Variants in PPM1D observed in about 807,000 individuals in gnomAD.
PPM1D encodes the protein protein phosphatase, Mg2+/Mn2+ dependent 1D.
A neutral mutation model predicts 58.3 loss-of-function variants in PPM1D; 52 were observed. That is an observed-to-expected ratio of 0.89 (90% CI 0.71 to 1.12). PPM1D has a LOEUF of 1.12. Ranked by LOEUF, PPM1D falls within the 50% of genes most tolerant of loss-of-function variation. The probability of loss-of-function intolerance (pLI) is 0.00; values close to 1 mark genes in which losing one functional copy is unlikely to be tolerated. For synonymous variants in PPM1D, 278 were observed against 285.1 expected (o/e 0.98, Z 0.25); for missense variants, 564 against 777.2 (o/e 0.73, Z 3.26).
chr17:60,633,243 C>T (rs1420909733), intron 2 of PPM1D, among the ~76,000 whole-genome samples: 2 of 152,158 alleles, frequency 1.3e-5, no homozygotes, highest in African/African-American at 2.4e-5. Context: ...TGAGATCACA[C>T]CATTGTGCTC....
intron 2 of PPM1D, among the ~76,000 whole-genome samples, chr17:60,628,470 T>C (rs1802960945): frequency 6.6e-6 from 1 of 152,184 alleles, no homozygotes; most frequent in African/African-American, 2.4e-5. Flanking sequence ...TCATGCAGAT[T>C]AGTTTCATCA....
intron 1 of PPM1D, among the ~76,000 whole-genome samples, chr17:60,615,116 G>C (rs2030555482): frequency 6.6e-6 from 1 of 152,034 alleles, no homozygotes; most frequent in Non-Finnish European, 1.5e-5. Flanking sequence ...TTTTCCTTAG[G>C]CTGGGTGTGG....
intron 4 of PPM1D, among the ~76,000 whole-genome samples, chr17:60,648,904 C>T (rs2031295727): frequency 6.6e-6 from 1 of 151,852 alleles, no homozygotes; most frequent in South Asian, 2.1e-4. Context: ...GCTGGGATTA[C>T]AGGTGTGTGC....
intron 3 of PPM1D, among the ~76,000 whole-genome samples, chr17:60,647,139 T>C (rs1006668074): frequency 6.6e-6 from 1 of 152,238 alleles, no homozygotes; most frequent in Non-Finnish European, 1.5e-5. Flanking sequence ...GGATTTTGGT[T>C]AGAATTACAT....
At chr17:60,602,684 C>G (rs151009399) in intron 1 of PPM1D, among the ~76,000 whole-genome samples, 4 of 149,042 alleles carry the variant, frequency 2.7e-5, no homozygotes, top group Non-Finnish European at 5.9e-5. Flanking sequence ...AGCTGTCACT[C>G]TTATGATGCA....
intron 4 of PPM1D, among the ~76,000 whole-genome samples, chr17:60,649,415 G>A (rs913201968): frequency 2.6e-5 from 4 of 151,868 alleles, no homozygotes; most frequent in South Asian, 2.1e-4. Flanking sequence ...CATTCCGGGC[G>A]CAGTAGCTCA....
chr17:60,633,182 G>A (rs1450788576), intron 2 of PPM1D, among the ~76,000 whole-genome samples: 2 of 152,046 alleles, frequency 1.3e-5, no homozygotes, highest in African/African-American at 4.8e-5. Flanking sequence ...CTACTCGGGA[G>A]GCTTAGGCAG....
intron 3 of PPM1D, among the ~76,000 whole-genome samples, chr17:60,646,840 C>G (rs1341806584): frequency 6.6e-6 from 1 of 152,152 alleles, no homozygotes; most frequent in Non-Finnish European, 1.5e-5. Flanking sequence ...CTTTTTCCGG[C>G]TCAGTGAAAG....
At chr17:60,618,939 A>G (rs1234441452) in intron 1 of PPM1D, among the ~76,000 whole-genome samples, 1 of 152,176 alleles carries the variant, frequency 6.6e-6, no homozygotes, top group Non-Finnish European at 1.5e-5. Flanking sequence ...AATTTCAAGT[A>G]TACAAAACAG....
In PPM1D at chr17:60,663,234, T is replaced by A. The variant is rs745638999; in HGVS notation, c.1500T>A (p.Pro500=). 6.2e-7 allele frequency: 1 copy of A among 1,614,172 alleles called. No individual in the cohort carries two copies. Among genetic ancestry groups the A allele is most frequent in the Non-Finnish European group, 8.5e-7 (1 of 1,180,026 alleles). ...LNNSLPIGLV[P]TNSTNTVMDQ... is the part of the protein sequence containing the mutation. ...ATAGCCTTCCAATTGGCCTTGTGCC[T>A]ACTAATTCAACAAACACTGTCATGG... is the stretch of plus-strand genomic sequence containing the variant. The change falls in exon 6 of 6, where the codon CCT becomes CCA. Residue 500 remains proline, a synonymous_variant. Coordinates refer to ENST00000305921, the MANE Select transcript of PPM1D (RefSeq NM_003620.4).
At chr17:60,636,738 G>T (rs2031029559) in intron 3 of PPM1D, among the ~76,000 whole-genome samples, 2 of 151,522 alleles carry the variant, frequency 1.3e-5, no homozygotes, top group Non-Finnish European at 2.9e-5. Flanking sequence ...CTGTGCCCTA[G>T]GCTAGAGCTC....
At position 60,663,151 on chromosome 17, in the gene PPM1D, C is replaced by T. The variant is rs1273860596; in HGVS notation, c.1417C>T (p.Pro473Ser). The T allele has an allele frequency of 6.2e-7, 1 of 1,614,126 alleles. No homozygotes were observed. The highest frequency in any genetic ancestry group is 1.3e-5 in the African/African-American group (1 of 75,030). The change falls in exon 6 of 6, where the codon CCA becomes TCA. Residue 473 changes from proline to serine, a missense_variant. Transcript: ENST00000305921. ...GVVIPSKDPE[P>S]LEENCAKALT... ...AGTCATACCCTCAAAAGATCCAGAA[C>T]CACTTGAAGAAAATTGCGCTAAAGC...
intron 2 of PPM1D, among the ~76,000 whole-genome samples, chr17:60,627,880 A>G (rs2030841645): frequency 6.6e-6 from 1 of 151,504 alleles, no homozygotes; most frequent in Non-Finnish European, 1.5e-5. Flanking sequence ...CATTAGTTGA[A>G]TAGAAATTTT....
chr17:60,649,081 CTTTT>C (rs1182622800), intron 4 of PPM1D, among the ~76,000 whole-genome samples: 1 of 151,978 alleles, frequency 6.6e-6, no homozygotes, highest in East Asian at 1.9e-4. Context: ...ACTTCTACTA[CTTTT>C]TTTGTTTTTT....
chr17:60,652,561 T>G (rs1002538208), intron 4 of PPM1D, among the ~76,000 whole-genome samples: 1 of 146,298 alleles, frequency 6.8e-6, no homozygotes, highest in Non-Finnish European at 1.5e-5. Context: ...TTTTTTTTTT[T>G]TTTTTTTTTT....
At chr17:60,640,463 G>A (rs2143688018) in intron 3 of PPM1D, among the ~76,000 whole-genome samples, 1 of 152,300 alleles carries the variant, frequency 6.6e-6, no homozygotes, top group Non-Finnish European at 1.5e-5. Context: ...GTTCATTGAT[G>A]TTACGTACGG....
chr17:60,638,987 T>C (rs2031079937), intron 3 of PPM1D, among the ~76,000 whole-genome samples: 1 of 152,176 alleles, frequency 6.6e-6, no homozygotes, highest in Non-Finnish European at 1.5e-5. Flanking sequence ...ACTGGGGAGA[T>C]AATTTTTGAG....
chr17:60,645,815 G>A (rs1014076286), intron 3 of PPM1D, among the ~76,000 whole-genome samples: 4 of 151,288 alleles, frequency 2.6e-5, no homozygotes, highest in Non-Finnish European at 5.9e-5. Flanking sequence ...TATATCTTTT[G>A]GTTTTCATAC....
Position 60,664,360 on chromosome 17 carries a change from TA to T in PPM1D, c.*809del. ...TTAAAATATGTGAAGTTTTCCTTGCTATTTCAATAACAGATGGTGCTGCTAA... is the reference window on the plus strand; with the variant it reads ...TTAAAATATGTGAAGTTTTCCTTGCTTTTCAATAACAGATGGTGCTGCTAA... On this transcript the variant is annotated 3_prime_UTR_variant, in exon 6 of 6. Transcript: ENST00000305921. 1 of 152,684 alleles carries T rather than the reference TA, an allele frequency of 6.5e-6. No individual in the cohort carries two copies. Among genetic ancestry groups the T allele is most frequent in the Non-Finnish European group, 1.5e-5 (1 of 68,036 alleles). 9.5% of individuals were successfully genotyped at this position (152,684 alleles called of 1,614,324 possible). A position where few individuals can be genotyped will look rare whatever the true frequency, so the allele number is the denominator to read the frequency against.
Sources: allele counts gnomAD v4.1 joint callset (sites outside exome capture counted in the v4.1 genomes callset), GRCh38; gene constraint gnomAD v4.1.1; transcripts MANE v1.5; gene names NCBI Gene and HGNC (gene_info 2026-07-23, HGNC 2026-07-21).